SIGLEC10: variants seen among roughly 807,000 people sequenced by gnomAD.
SIGLEC10 encodes the protein sialic acid-binding Ig-like lectin 10.
In SIGLEC10, 45 loss-of-function variants were observed where a neutral mutation model predicts 68.3. The ratio of observed to expected loss-of-function variants is 0.66; its 90% CI spans 0.52 to 0.84. The LOEUF (loss-of-function observed/expected upper bound fraction) is 0.84. Ranked by LOEUF, SIGLEC10 falls within the 40% of genes least tolerant of loss-of-function variation. The pLI, the probability that SIGLEC10 is intolerant of heterozygous loss-of-function variation, is 0.00. For missense variants in SIGLEC10, 789 were observed against 883.1 expected (o/e 0.89, Z 1.35); for synonymous variants, 379 against 370.8 (o/e 1.02, Z -0.26).
chr19:51,415,461 C>T (rs200313674), intron 6 of SIGLEC10, 23 bp from the exon 7 acceptor site: 43 of 1,609,460 alleles, frequency 2.7e-5, no homozygotes, highest in East Asian at 4.5e-5. Flanking sequence ...GAGGCAGAAT[C>T]GATGAGCAGC....
At position 51,414,462 on chromosome 19, in the gene SIGLEC10, C is replaced by A; in HGVS notation, c.1669G>T (p.Gly557Cys). The A allele has an allele frequency of 1.2e-6, 2 of 1,614,022 alleles. No individual in the cohort carries two copies. Among genetic ancestry groups the A allele is most frequent in the South Asian group, 1.1e-5 (1 of 91,042 alleles). Residue 557 changes from glycine (G) to cysteine (C), a missense_variant, in exon 9 of 11, where the codon GGC (glycine) becomes TGC (cysteine). Transcript: ENST00000339313. This position sits in a 1 kb window ranked among gnomAD's most constrained non-coding sequence, Gnocchi z 4.1. Reference protein sequence around the residue: ...AFSNGAFLGIGITALLFLCLA... With the variant: ...AFSNGAFLGICITALLFLCLA... Reference sequence around the variant, plus strand: ...CAGAGGAAAAGAAGAGCCGTGATGCCGATTCCCAGAAACGCTCCGTTGGAG... The same window carrying A: ...CAGAGGAAAAGAAGAGCCGTGATGCAGATTCCCAGAAACGCTCCGTTGGAG...
rs752161653 is a variant in SIGLEC10, at chr19:51,416,049, C to G, written c.873G>C (p.Gln291His). The G allele has an allele frequency of 1.2e-6, 2 of 1,612,998 alleles. No individual in the cohort carries two copies. The highest frequency in any genetic ancestry group is 1.7e-6 in the Non-Finnish European group (2 of 1,179,884). ...GATGGGACGAGGAGAGGACTCTGTT[C>G]TGCAGGACCCAGCTCAGTGTGGCAG... ...QPPATLSWVL[Q>H]NRVLSSSHPW... The change falls in exon 5 of 11, where the codon CAG becomes CAC. Residue 291 changes from glutamine (Q) to histidine (H), a missense_variant. By Grantham distance (24) the Gln-to-His change is conservative. Transcript: ENST00000339313.
In SIGLEC10 at chr19:51,410,970, G is replaced by C; in HGVS notation, c.*129C>G. On this transcript the variant is annotated 3_prime_UTR_variant, in exon 11 of 11. Transcript: ENST00000339313. ...TGGCCAGATGTTTTTTTAAAAGAGA[G>C]AGAAAGAGAGAGAGAGAGAGAAAGA... The C allele has an allele frequency of 1.8e-6, 2 of 1,121,540 alleles. No homozygotes were observed. The highest frequency in any genetic ancestry group is 3.1e-5 in the South Asian group (2 of 64,000). 69.5% of individuals were successfully genotyped at this position (1,121,540 alleles called of 1,614,324 possible). A position where few individuals can be genotyped will look rare whatever the true frequency, so the allele number is the denominator to read the frequency against.
chr19:51,415,862 C>T, intron 5 of SIGLEC10, 36 bp downstream of exon 5: 1 of 1,611,514 alleles, frequency 6.2e-7, no homozygotes, highest in Non-Finnish European at 8.5e-7. Context: ...CCTCTGCCCT[C>T]CCAATGGACT....
Position 51,414,786 on chromosome 19 carries a change from C to T in SIGLEC10, c.1615+38G>A. 6.2e-7 allele frequency: 1 copy of T among 1,608,542 alleles called. No individual in the cohort carries two copies. The highest frequency in any genetic ancestry group is 8.5e-7 in the Non-Finnish European group (1 of 1,178,638). ...CCCTACTCTTTGCCCCAGTCAGCTTCTCCTCCAAGAACCTTGGCATCCAGG... is the reference window on the plus strand; with the variant it reads ...CCCTACTCTTTGCCCCAGTCAGCTTTTCCTCCAAGAACCTTGGCATCCAGG... On this transcript the variant is annotated intron_variant, in intron 8 of 10. Coordinates refer to ENST00000339313, the MANE Select transcript of SIGLEC10 (RefSeq NM_033130.5). The surrounding 1 kb of genome is among the most constrained non-coding windows in gnomAD (Gnocchi z 4.1).
Position 51,411,332 on chromosome 19 carries a change from G to C in SIGLEC10, c.1861C>G (p.Arg621Gly), listed in dbSNP as rs763829345. 5.5e-5 allele frequency: 89 copies of C among 1,614,036 alleles called. No individual in the cohort carries two copies. Among genetic ancestry groups the C allele is most frequent in the Non-Finnish European group, 7.4e-5 (87 of 1,180,030 alleles). Residue 621 changes from arginine to glycine, a missense_variant, in exon 11 of 11, where the codon CGG becomes GGG. Physicochemically the swap from Arg to Gly is moderately radical, Grantham distance 125. Transcript: ENST00000339313. ...RNQKATPNSP[R>G]TPLPPGAPSP... ...GGAGCACCTGGTGGAAGAGGGGTCCGAGGACTGTTTGGTGTGGCTTTCTGA... is the reference window on the plus strand; with the variant it reads ...GGAGCACCTGGTGGAAGAGGGGTCCCAGGACTGTTTGGTGTGGCTTTCTGA...
At position 51,415,758 on chromosome 19, in the gene SIGLEC10, T is replaced by C. The variant is rs1317140293; in HGVS notation, c.1024+140A>G. Reference sequence around the variant, plus strand: ...CACCCACTGAGTCCCAGACACAAACTGCATGAGGGTCTACACAGGTAAGAA... The same window carrying C: ...CACCCACTGAGTCCCAGACACAAACCGCATGAGGGTCTACACAGGTAAGAA... On this transcript the variant is annotated intron_variant, in intron 5 of 10. Coordinates refer to ENST00000339313, the MANE Select transcript of SIGLEC10 (RefSeq NM_033130.5). 6.4e-6 allele frequency: 10 copies of C among 1,570,286 alleles called. No individual in the cohort carries two copies. In the African/African-American group the frequency reaches 1.2e-4, roughly 19 times the overall value.
At position 51,416,703 on chromosome 19, in the gene SIGLEC10, A is replaced by T; in HGVS notation, c.669T>A (p.Gly223=). 1 of 1,613,996 alleles carries T rather than the reference A, an allele frequency of 6.2e-7. No homozygotes were observed. The highest frequency in any genetic ancestry group is 8.5e-7 in the Non-Finnish European group (1 of 1,179,996). The part of the protein sequence containing the change: ...LTCHVDFSRK[G]VSAQRTVRLR... ...GTCGGACGGTCCTCTGTGCGCTCAC[A>T]CCCTTTCTGGAGAAGTCCACATGGC... The change falls in exon 3 of 11, where the codon GGT becomes GGA. Residue 223 remains glycine (G), a synonymous_variant. Coordinates refer to ENST00000339313, the MANE Select transcript of SIGLEC10 (RefSeq NM_033130.5).
Position 51,415,351 on chromosome 19 carries a change from G to A in SIGLEC10, c.1160C>T (p.Pro387Leu). 5 of 1,613,190 alleles carry A rather than the reference G, an allele frequency of 3.1e-6. No homozygotes were observed. The highest frequency in any genetic ancestry group is 4.2e-6 in the Non-Finnish European group (5 of 1,179,466). ...CCTCTGGGTCCAGCTCAGCCTGGCTGGGGGGCTGCTGTGTGTGACACAGAC... is the reference window on the plus strand; with the variant it reads ...CCTCTGGGTCCAGCTCAGCCTGGCTAGGGGGCTGCTGTGTGTGACACAGAC... The part of the protein sequence containing the change: ...CLVCVTHSSP[P>L]ARLSWTQRGQ... Residue 387 changes from proline (P) to leucine (L), a missense_variant, in exon 7 of 11, where the codon CCA becomes CTA. Transcript: ENST00000339313.
chr19:51,417,468 G>A lies in SIGLEC10; in HGVS notation c.38-3C>T. On this transcript the variant is annotated splice_polypyrimidine_tract_variant and splice_region_variant and intron_variant, in intron 1 of 10. Transcript: ENST00000339313. ...TCTCCCATCCATAGCCTGGGACCCT[G>A]TGGGGAGACAGAGGCTCAACCTGCA... 1.2e-6 allele frequency: 2 copies of A among 1,613,888 alleles called. No homozygotes were observed. Among genetic ancestry groups the A allele is most frequent in the Non-Finnish European group, 1.7e-6 (2 of 1,179,806 alleles).
Position 51,414,634 on chromosome 19 carries a change from T to C in SIGLEC10, c.1616-119A>G. Reference sequence around the variant, plus strand: ...GCGGACATTGTATCTGCAACCCCTCTGTTTACTTTTAGGAAACCCTGCCAC... The same window carrying C: ...GCGGACATTGTATCTGCAACCCCTCCGTTTACTTTTAGGAAACCCTGCCAC... On this transcript the variant is annotated intron_variant, in intron 8 of 10. Transcript: ENST00000339313. This position sits in a 1 kb window ranked among gnomAD's most constrained non-coding sequence, Gnocchi z 4.1. The C allele has an allele frequency of 7.4e-7, 1 of 1,355,634 alleles. No homozygotes were observed. Among genetic ancestry groups the C allele is most frequent in the Non-Finnish European group, 1.0e-6 (1 of 961,566 alleles). 84.0% of individuals were successfully genotyped at this position (1,355,634 alleles called of 1,614,324 possible).
At position 51,411,276 on chromosome 19, in the gene SIGLEC10, C is replaced by G. The variant is rs1987980213; in HGVS notation, c.1917G>C (p.Lys639Asn). 1.2e-6 allele frequency: 2 copies of G among 1,614,022 alleles called. No homozygotes were observed. Among genetic ancestry groups the G allele is most frequent in the South Asian group, 2.2e-5 (2 of 91,078 alleles). ...PSPESKKNQK[K>N]QYQLPSFPEP... The stretch of plus-strand genomic sequence containing the variant: ...CTGGGAAACTGGGCAACTGATACTG[C>G]TTTTTCTGGTTCTTCTTTGATTCTG... The change falls in exon 11 of 11, where the codon AAG (lysine) becomes AAC (asparagine). Residue 639 changes from lysine to asparagine, a missense_variant. Lys to Asn is a moderately conservative substitution (Grantham distance 94). Coordinates refer to ENST00000339313, the MANE Select transcript of SIGLEC10 (RefSeq NM_033130.5).
At position 51,417,172 on chromosome 19, in the gene SIGLEC10, G is replaced by A; in HGVS notation, c.331C>T (p.Gln111Ter). 1.2e-6 allele frequency: 2 copies of A among 1,614,212 alleles called. No homozygotes were observed. The highest frequency in any genetic ancestry group is 1.7e-6 in the Non-Finnish European group (2 of 1,180,024). The change falls in exon 2 of 11, where the codon CAG becomes TAG. Residue 111 changes from glutamine (Q) to a stop codon, truncating the protein, a stop_gained. Transcript: ENST00000339313. LOFTEE classifies it high-confidence loss of function. ...CGAAAGAAGTACTGTGACTCATCCT[G>A]CATCTGCGCGTCTCTGATCACCAAG... ...CSLVIRDAQM[Q>*]DESQYFFRVE...
In SIGLEC10 at chr19:51,411,000, G is replaced by C. The variant is rs1404326720; in HGVS notation, c.*99C>G. ...AGAGAGAGAGAGAGAGAAAGAGAGA[G>C]AGAGAGGGAGAGAAGGAAACTTTGC... On this transcript the variant is annotated 3_prime_UTR_variant, in exon 11 of 11. Transcript: ENST00000339313. 2 of 1,350,802 alleles carry C rather than the reference G, an allele frequency of 1.5e-6. No homozygotes were observed. Among genetic ancestry groups the C allele is most frequent in the East Asian group, 2.3e-5 (1 of 43,362 alleles). The allele number at this position is 1,350,802 out of a possible 1,614,324, so 83.7% of individuals were successfully genotyped here.
Position 51,410,144 on chromosome 19 carries a change from C to G in SIGLEC10, c.*955G>C, listed in dbSNP as rs1424713494. On this transcript the variant is annotated 3_prime_UTR_variant, in exon 11 of 11. Transcript: ENST00000339313. ...GGTTATTTCTTGCTTATTTGCTAAA[C>G]AAGGGGTGGATTATTCATTCCTCCC... 1.3e-5 allele frequency: 2 copies of G among 152,218 alleles called. No homozygotes were observed. The highest frequency in any genetic ancestry group is 3.8e-4 in the East Asian group (2 of 5,198). 9.4% of individuals were successfully genotyped at this position (152,218 alleles called of 1,614,324 possible). A position where few individuals can be genotyped will look rare whatever the true frequency, so the allele number is the denominator to read the frequency against.
Position 51,411,242 on chromosome 19 carries a change from A to G in SIGLEC10, c.1951T>C (p.Ser651Pro), listed in dbSNP as rs1599883754. The G allele has an allele frequency of 6.2e-7, 1 of 1,614,050 alleles. No homozygotes were observed. Among genetic ancestry groups the G allele is most frequent in the Non-Finnish European group, 8.5e-7 (1 of 1,179,994 alleles). Residue 651 changes from serine to proline, a missense_variant, in exon 11 of 11, where the codon TCA becomes CCA. By Grantham distance (74) the Ser-to-Pro change is moderately conservative (BLOSUM62 -1). Coordinates refer to ENST00000339313, the MANE Select transcript of SIGLEC10 (RefSeq NM_033130.5). Reference sequence around the variant, plus strand: ...TGGGATTCTGGGGCTTGAGTGGATGATTTGGGTTCTGGGAAACTGGGCAAC... The same window carrying G: ...TGGGATTCTGGGGCTTGAGTGGATGGTTTGGGTTCTGGGAAACTGGGCAAC... ...YQLPSFPEPKSSTQAPESQES... is the reference protein window; with the variant it reads ...YQLPSFPEPKPSTQAPESQES...
chr19:51,415,020 A>G lies in SIGLEC10; in HGVS notation c.1419T>C (p.Ser473=), dbSNP rs1484934098. The G allele has an allele frequency of 7.5e-6, 12 of 1,610,660 alleles. No individual in the cohort carries two copies. The highest frequency in any genetic ancestry group is 4.0e-5 in the African/African-American group (3 of 74,832). Residue 473 remains serine, a synonymous_variant, in exon 8 of 11, where the codon TCT becomes TCC. Coordinates refer to ENST00000339313, the MANE Select transcript of SIGLEC10 (RefSeq NM_033130.5). ...GCTCCTCCCCAAGCCACCAGCGCAGAGAGGGGGCCGGGCTGGCCTGGGAGG... is the reference window on the plus strand; with the variant it reads ...GCTCCTCCCCAAGCCACCAGCGCAGGGAGGGGGCCGGGCTGGCCTGGGAGG... ...SCSSQASPAP[S]LRWWLGEELL... is the part of the protein sequence containing the mutation.
rs1987874156 is a variant in SIGLEC10 at position 51,410,042 on chromosome 19, A to T, written c.*1057T>A. The T allele has an allele frequency of 6.6e-6, 1 of 152,248 alleles. No individual in the cohort carries two copies. Among genetic ancestry groups the T allele is most frequent in the Non-Finnish European group, 1.5e-5 (1 of 68,056 alleles). The allele number at this position is 152,248 out of a possible 1,614,324, so 9.4% of individuals were successfully genotyped here. A position where few individuals can be genotyped will look rare whatever the true frequency, so the allele number is the denominator to read the frequency against. ...GCGGTAAGGTGAAAGCAAGTTTATT[A>T]AGAAAGTAAAGGAACAAAAGAATGG... On this transcript the variant is annotated 3_prime_UTR_variant, in exon 11 of 11. Transcript: ENST00000339313.
chr19:51,413,143 A>C (rs749845299), intron 10 of SIGLEC10, among the ~76,000 whole-genome samples: 8 of 152,188 alleles, frequency 5.3e-5, no homozygotes, highest in Non-Finnish European at 1.0e-4. Flanking sequence ...TCCAGAATTT[A>C]CAGAGTATTA....
Sources: gnomAD v4.1 joint callset for allele counts (sites outside exome capture counted in the v4.1 genomes callset) on GRCh38, gnomAD v4.1.1 for gene constraint, Gnocchi (gnomAD v3.1) non-coding constraint, MANE v1.5 for transcripts, NCBI Gene and HGNC (gene_info 2026-07-23, HGNC 2026-07-21) for gene names.